MMS22L: variants seen among roughly 807,000 people sequenced by gnomAD.
MMS22L encodes MMS22 like, DNA repair protein.
A neutral mutation model predicts 159.1 loss-of-function variants in MMS22L; 74 were observed. The ratio of observed to expected loss-of-function variants is 0.47; its 90% CI spans 0.39 to 0.56. The LOEUF is 0.56. Among genes scored for constraint, MMS22L ranks in the 20% least tolerant of loss-of-function variants. MMS22L has a pLI of 0.00. For missense variants in MMS22L, 1,351 were observed against 1,422.1 expected (o/e 0.95, Z 0.80); for synonymous variants, 517 against 506.9 (o/e 1.02, Z -0.27).
chr6:97,234,067 C>A, intron 11 of MMS22L, 87 bp from the exon 12 acceptor site: 2 of 1,396,812 alleles, frequency 1.4e-6, no homozygotes, highest in Non-Finnish European at 9.6e-7. Context: ...ATATAACCTG[C>A]AGCTAAAAAG....
In MMS22L at chr6:97,146,754, A is replaced by C; in HGVS notation, c.*52T>G. 8.7e-7 allele frequency: 1 copy of C among 1,145,886 alleles called. No individual in the cohort carries two copies. Among genetic ancestry groups the C allele is most frequent in the Non-Finnish European group, 1.3e-6 (1 of 786,772 alleles). 71.0% of individuals were successfully genotyped at this position (1,145,886 alleles called of 1,614,324 possible). A position where few individuals can be genotyped will look rare whatever the true frequency, so the allele number is the denominator to read the frequency against. ...TTAAAAGTAGGAATTAGAGTGGAAC[A>C]ATGTGGCTTTAGATACTGATAATTA... On this transcript the variant is annotated 3_prime_UTR_variant, in exon 25 of 25. Coordinates refer to ENST00000683635, the MANE Select transcript of MMS22L (RefSeq NM_001350599.2).
chr6:97,199,523 C>G lies in MMS22L; in HGVS notation c.2040-12833G>C, dbSNP rs12211364. Among the ~76,000 whole-genome samples, 1,177 of 152,152 alleles carry G rather than the reference C, an allele frequency of 7.7e-3. 17 individuals carry two copies. Among genetic ancestry groups the G allele is most frequent in the Non-Finnish European group, 7.2e-3 (488 of 67,966 alleles). On this transcript the variant is annotated intron_variant, in intron 14 of 24. Coordinates refer to ENST00000683635, the MANE Select transcript of MMS22L (RefSeq NM_001350599.2). ...ATGTATAATTACAATAGCTAATGCA[C>G]TGGAAAAGTAGTGTTCTTTGATAAA...
At chr6:97,164,120 G>A (rs1802722063) in intron 21 of MMS22L, among the ~76,000 whole-genome samples, 1 of 151,902 alleles carries the variant, frequency 6.6e-6, no homozygotes. Context: ...TCTGACAATA[G>A]TCTAGGTATA....
chr6:97,281,455 C>T (rs1816750449), intron 2 of MMS22L, 93 bp from the exon 3 acceptor site: 4 of 1,055,516 alleles, frequency 3.8e-6, no homozygotes, highest in Admixed American at 2.6e-5. Context: ...CCATATTATA[C>T]ATGACATGTA....
chr6:97,234,503 TGAC>T (rs1430083531), intron 11 of MMS22L, among the ~76,000 whole-genome samples: 1 of 152,160 alleles, frequency 6.6e-6, no homozygotes, highest in Non-Finnish European at 1.5e-5. Context: ...GCTTTTTCTA[TGAC>T]GATATAACCA....
At chr6:97,166,437 A>C (rs964437498) in intron 20 of MMS22L, among the ~76,000 whole-genome samples, 11 of 152,170 alleles carry the variant, frequency 7.2e-5, no homozygotes, top group Non-Finnish European at 1.5e-4. Context: ...AGAAATTCTG[A>C]AAGTTTATTT....
chr6:97,191,004 T>C (rs557084925), intron 14 of MMS22L, among the ~76,000 whole-genome samples: 1 of 152,314 alleles, frequency 6.6e-6, no homozygotes, highest in Admixed American at 6.5e-5. Context: ...CTTTCCTCAT[T>C]ATCTTCAAGT....
At chr6:97,154,811 T>C (rs1454185468) in intron 22 of MMS22L, among the ~76,000 whole-genome samples, 1 of 152,208 alleles carries the variant, frequency 6.6e-6, no homozygotes, top group Admixed American at 6.6e-5. Context: ...TCTATTGACC[T>C]ACATATCTAT....
Position 97,267,959 on chromosome 6 carries a change from G to T in MMS22L, c.741C>A (p.Asp247Glu). The change falls in exon 8 of 25, where the codon GAC (aspartate) becomes GAA (glutamate). Residue 247 changes from aspartate to glutamate, a missense_variant. Asp to Glu is a conservative substitution (Grantham distance 45). Transcript: ENST00000683635. The stretch of plus-strand genomic sequence containing the variant: ...CAAATAGGCTGATGTTGGTTAAATT[G>T]TCACTTGCCAGATTCATAAACTGAT... ...YGHQFMNLAS[D>E]NLTNISLFEE... 4.4e-6 allele frequency: 7 copies of T among 1,606,266 alleles called. No homozygotes were observed. Among genetic ancestry groups the T allele is most frequent in the Non-Finnish European group, 5.9e-6 (7 of 1,176,964 alleles).
intron 14 of MMS22L, among the ~76,000 whole-genome samples, chr6:97,190,105 T>C (rs1264855543): frequency 1.3e-5 from 2 of 152,202 alleles, no homozygotes; most frequent in Non-Finnish European, 2.9e-5. Context: ...TTATATTAGA[T>C]GTGACCACTG....
intron 13 of MMS22L, among the ~76,000 whole-genome samples, chr6:97,229,670 G>C (rs1271930351): frequency 6.6e-6 from 1 of 152,104 alleles, no homozygotes; most frequent in Non-Finnish European, 1.5e-5. Context: ...TTTTCATATA[G>C]TACATGGCTT....
intron 23 of MMS22L, chr6:97,151,502 G>C: frequency 2.7e-6 from 1 of 365,332 alleles, no homozygotes; most frequent in Non-Finnish European, 5.2e-6. Context: ...TATCCCTATC[G>C]TTAAGAGACA....
Position 97,282,498 on chromosome 6 carries a change from A to T in MMS22L, c.-21T>A, listed in dbSNP as rs1241976366. 1.1e-5 allele frequency: 17 copies of T among 1,480,536 alleles called. No homozygotes were observed. The highest frequency in any genetic ancestry group is 1.5e-5 in the Non-Finnish European group (16 of 1,099,180). The allele number at this position is 1,480,536 out of a possible 1,614,324, so 91.7% of individuals were successfully genotyped here. ...TCCATTGTTTACTTCATGTTCTGAA[A>T]CACTTGGGGTTCGTCGTATCATTAA... is the stretch of plus-strand genomic sequence containing the variant. On this transcript the variant is annotated 5_prime_UTR_variant, in exon 2 of 25. Transcript: ENST00000683635.
chr6:97,280,687 T>C (rs567520945), intron 3 of MMS22L, among the ~76,000 whole-genome samples: 2 of 152,286 alleles, frequency 1.3e-5, no homozygotes, highest in African/African-American at 4.8e-5. Context: ...AACGACATGA[T>C]GCCTAGGATT....
chr6:97,208,569 C>G (rs190026867), intron 14 of MMS22L, among the ~76,000 whole-genome samples: 4 of 151,978 alleles, frequency 2.6e-5, no homozygotes, highest in African/African-American at 9.7e-5. Flanking sequence ...ATAGGGGAAA[C>G]TGTATATTTC....
At chr6:97,182,459 T>G (rs545913992) in intron 15 of MMS22L, among the ~76,000 whole-genome samples, 11 of 152,176 alleles carry the variant, frequency 7.2e-5, no homozygotes, top group African/African-American at 2.7e-4. Flanking sequence ...CAGTTCCTTC[T>G]CACCTTAGAC....
intron 14 of MMS22L, among the ~76,000 whole-genome samples, chr6:97,228,425 T>C (rs1810483641): frequency 6.6e-6 from 1 of 152,126 alleles, no homozygotes; most frequent in Non-Finnish European, 1.5e-5. Context: ...GCCCCAAAAT[T>C]CAAAACTTTT....
chr6:97,211,373 AG>A (rs1198775313), intron 14 of MMS22L, among the ~76,000 whole-genome samples: 2 of 152,118 alleles, frequency 1.3e-5, no homozygotes, highest in African/African-American at 4.8e-5. Flanking sequence ...AAGAAAAAAT[AG>A]ATTACTTAAT....
chr6:97,211,991 A>T (rs1321505192), intron 14 of MMS22L, among the ~76,000 whole-genome samples: 1 of 152,212 alleles, frequency 6.6e-6, no homozygotes, highest in Admixed American at 6.5e-5. Context: ...CACATAATCT[A>T]ATCACATGCT....
Sources: gnomAD v4.1 joint callset for allele counts (sites outside exome capture counted in the v4.1 genomes callset) on GRCh38, gnomAD v4.1.1 for gene constraint, MANE v1.5 for transcripts, NCBI Gene and HGNC (gene_info 2026-07-23, HGNC 2026-07-21) for gene names.